L3MBTL3: variants seen among roughly 807,000 people sequenced by gnomAD.
L3MBTL3 encodes L3MBTL histone methyl-lysine binding protein 3.
In L3MBTL3, 27 loss-of-function variants were observed where a neutral mutation model predicts 102.3. That is an observed-to-expected ratio of 0.26 (90% confidence interval 0.19 to 0.36). The LOEUF is 0.36. Among genes scored for constraint, L3MBTL3 ranks in the 10% least tolerant of loss-of-function variants. The pLI, the probability that L3MBTL3 is intolerant of heterozygous loss-of-function variation, is 1.00. For missense variants in L3MBTL3, 798 were observed against 955.3 expected, an observed-to-expected ratio of 0.84 and a Z score of 2.17; for synonymous variants, 340 against 320.9, an observed-to-expected ratio of 1.06 and a Z score of -0.64.
At position 130,026,209 on chromosome 6, in the gene L3MBTL3, CA is replaced by C. The variant is rs1214980754; in HGVS notation, c.-16+3910del. Among the ~76,000 whole-genome samples the C allele has an allele frequency of 3.9e-5, 6 of 152,068 alleles. No individual in the cohort carries two copies. In the East Asian group the frequency reaches 1.2e-3, roughly 29 times the overall value. ...GATGCTTTATATTTATTTATTCATC[CA>C]AAAAATACTTTGAGTGCTTTCTGTA... On this transcript the variant is annotated intron_variant, in intron 2 of 22. Transcript: ENST00000361794.
chr6:130,060,527 C>T (rs1781821252), intron 10 of L3MBTL3, among the ~76,000 whole-genome samples: 1 of 151,506 alleles, frequency 6.6e-6, no homozygotes, highest in African/African-American at 2.4e-5. Context: ...AAAAAAATGA[C>T]CAAGCCAAAT....
At chr6:130,105,628 A>AG (rs1461561925) in intron 19 of L3MBTL3, among the ~76,000 whole-genome samples, 1 of 151,720 alleles carries the variant, frequency 6.6e-6, no homozygotes, top group African/African-American at 2.4e-5. Flanking sequence ...TCTCAAAAAA[A>AG]AAAAAAAAAA....
At chr6:130,071,508 A>G (rs1782640723) in intron 13 of L3MBTL3, among the ~76,000 whole-genome samples, 1 of 152,080 alleles carries the variant, frequency 6.6e-6, no homozygotes, top group South Asian at 2.1e-4. Context: ...CAGTTTTTAG[A>G]TATCCTGCAC....
intron 9 of L3MBTL3, among the ~76,000 whole-genome samples, chr6:130,058,231 A>T (rs909002278): frequency 6.6e-6 from 1 of 151,894 alleles, no homozygotes; most frequent in African/African-American, 2.4e-5. Flanking sequence ...ATGGGTCACT[A>T]TATTATATTA....
intron 2 of L3MBTL3, among the ~76,000 whole-genome samples, chr6:130,029,934 G>A (rs776066041): frequency 6.6e-6 from 1 of 152,032 alleles, no homozygotes; most frequent in Non-Finnish European, 1.5e-5. Context: ...AGCGATTCTC[G>A]TGCTTCAGCA....
At chr6:130,103,489 A>T (rs1382818071) in intron 18 of L3MBTL3, among the ~76,000 whole-genome samples, 1 of 152,124 alleles carries the variant, frequency 6.6e-6, no homozygotes, top group Admixed American at 6.5e-5. Context: ...CTGGGTGATT[A>T]TCAACATTCT....
At chr6:130,062,861 A>G (rs548517240) in intron 10 of L3MBTL3, among the ~76,000 whole-genome samples, 2 of 150,880 alleles carry the variant, frequency 1.3e-5, no homozygotes, top group African/African-American at 2.4e-5. Flanking sequence ...TCTAGGATCT[A>G]TCTCTAGAAT....
At chr6:130,065,966 A>C (rs1318167453) in intron 10 of L3MBTL3, among the ~76,000 whole-genome samples, 1 of 152,190 alleles carries the variant, frequency 6.6e-6, no homozygotes, top group Non-Finnish European at 1.5e-5. Context: ...AGTGCAGGGC[A>C]GACTGTCCAC....
At chr6:130,042,547 C>A in intron 2 of L3MBTL3, 138 bp from the exon 3 acceptor site, 1 of 497,924 alleles carries the variant, frequency 2.0e-6, no homozygotes, top group South Asian at 4.4e-5. Flanking sequence ...TTTGAAGTAG[C>A]TGTTTTTAGA....
chr6:130,063,624 A>G lies in L3MBTL3; in HGVS notation c.865-2729A>G, dbSNP rs76423773. Among the ~76,000 whole-genome samples the G allele has an allele frequency of 4.8e-3, 736 of 152,230 alleles. 11 individuals carry two copies. The highest frequency in any genetic ancestry group is 0.015 in the African/African-American group (639 of 41,536). The stretch of plus-strand genomic sequence containing the variant: ...GTTTCTGTTTAAAGACACCTCATTT[A>G]ATGTATATCGTTCATTCATTAAAAA... On this transcript the variant is annotated intron_variant, in intron 10 of 22. Transcript: ENST00000361794.
chr6:130,069,726 G>T lies in L3MBTL3; in HGVS notation c.1093-1250G>T, dbSNP rs1353977260. Among the ~76,000 whole-genome samples the T allele has an allele frequency of 2.6e-5, 4 of 152,142 alleles. No homozygotes were observed. In the East Asian group the frequency reaches 5.8e-4, roughly 22 times the overall value. On this transcript the variant is annotated intron_variant, in intron 12 of 22. Transcript: ENST00000361794. ...GTTCTCTGATGATGACTTCAGTCAG[G>T]GATTTGATTAACTGCCTTGAACGGT...
chr6:130,026,629 G>T lies in L3MBTL3; in HGVS notation c.-16+4324G>T, dbSNP rs561248018. 1.2e-4 allele frequency among the ~76,000 whole-genome samples: 18 copies of T among 150,714 alleles called. 1 individual carries two copies. In the South Asian group the frequency reaches 3.6e-3, roughly 30 times the overall value. On this transcript the variant is annotated intron_variant, in intron 2 of 22. Transcript: ENST00000361794. ...AAGAATTGAGAAAAGACCAATTATT[G>T]AATTATTCTGAAAAGAACACCTTGG...
At chr6:130,057,933 G>A (rs1441202780) in intron 9 of L3MBTL3, among the ~76,000 whole-genome samples, 1 of 151,524 alleles carries the variant, frequency 6.6e-6, no homozygotes, top group Non-Finnish European at 1.5e-5. Flanking sequence ...CACGAGGTCA[G>A]GAGATCGAGA....
intron 18 of L3MBTL3, among the ~76,000 whole-genome samples, chr6:130,098,990 T>TTTTA (rs1484286459): frequency 6.6e-6 from 1 of 151,810 alleles, no homozygotes; most frequent in African/African-American, 2.4e-5. Context: ...ATATTGTATA[T>TTTTA]TTTATTGTAT....
chr6:130,039,316 T>TA (rs919610315), intron 2 of L3MBTL3, among the ~76,000 whole-genome samples: 3 of 151,786 alleles, frequency 2.0e-5, no homozygotes, highest in South Asian at 2.1e-4. Flanking sequence ...TCATTTTGCT[T>TA]AAAAAAAAGC....
intron 2 of L3MBTL3, among the ~76,000 whole-genome samples, chr6:130,023,837 T>C (rs952579968): frequency 2.6e-5 from 4 of 152,200 alleles, no homozygotes; most frequent in Non-Finnish European, 5.9e-5. Flanking sequence ...ATGTGTGTAT[T>C]GTATGGACTT....
chr6:130,093,002 A>T, intron 17 of L3MBTL3, 143 bp downstream of exon 17: 1 of 501,994 alleles, frequency 2.0e-6, no homozygotes, highest in Non-Finnish European at 3.5e-6. Context: ...ACTACATTTT[A>T]ATTACCACGG....
intron 16 of L3MBTL3, among the ~76,000 whole-genome samples, chr6:130,087,179 A>G (rs947708637): frequency 1.6e-4 from 25 of 152,128 alleles, no homozygotes; most frequent in African/African-American, 5.8e-4. Flanking sequence ...AATAAAATAA[A>G]TTATAAAATA....
At chr6:130,071,461 T>C (rs1372175156) in intron 13 of L3MBTL3, among the ~76,000 whole-genome samples, 3 of 152,204 alleles carry the variant, frequency 2.0e-5, no homozygotes, top group Non-Finnish European at 4.4e-5. Context: ...AATAGCTGAC[T>C]ACAAAATATA....
Sources: gnomAD v4.1 joint callset for allele counts (sites outside exome capture counted in the v4.1 genomes callset) on GRCh38, gnomAD v4.1.1 for gene constraint, MANE v1.5 for transcripts, NCBI Gene and HGNC (gene_info 2026-07-23, HGNC 2026-07-21) for gene names.